Variants in ARPIN observed in about 807,000 individuals in gnomAD.
The protein encoded by ARPIN is UPF0552 protein C15orf38.
In ARPIN, 23 loss-of-function variants were observed where a neutral mutation model predicts 25.9. The ratio of observed to expected loss-of-function variants is 0.89; its 90% CI spans 0.64 to 1.26. The LOEUF (loss-of-function observed/expected upper bound fraction) is 1.26. Ranked by LOEUF, ARPIN falls within the 50% of genes most tolerant of loss-of-function variation. ARPIN has a pLI of 0.00. For synonymous variants in ARPIN, 126 were observed against 131.4 expected, an observed-to-expected ratio of 0.96 and a Z score of 0.28; for missense variants, 333 against 312.2, an observed-to-expected ratio of 1.07 and a Z score of -0.50.
In ARPIN at chr15:89,912,752, G is replaced by A; in HGVS notation, c.84C>T (p.Ala28=). The part of the protein sequence containing the change: ...VRLPGAWDPA[A]HQGGNGVLLE... Reference sequence around the variant, plus strand: ...CGTGAGCCCAGGCCTACCCCTGGTGGGCGGCGGGGTCCCAGGCCCCTGGCA... The same window carrying A: ...CGTGAGCCCAGGCCTACCCCTGGTGAGCGGCGGGGTCCCAGGCCCCTGGCA... The change falls in exon 1 of 6, where the codon GCC becomes GCT. Residue 28 remains alanine, a synonymous_variant. Coordinates refer to ENST00000357484, the MANE Select transcript of ARPIN (RefSeq NM_182616.4). 6.8e-7 allele frequency: 1 copy of A among 1,474,056 alleles called. No individual in the cohort carries two copies. The highest frequency in any genetic ancestry group is 1.3e-5 in the South Asian group (1 of 76,254). The allele number at this position is 1,474,056 out of a possible 1,614,324, so 91.3% of individuals were successfully genotyped here.
intron 2 of ARPIN, among the ~76,000 whole-genome samples, chr15:89,909,091 G>A (rs1403767020): frequency 1.3e-5 from 2 of 152,178 alleles, no homozygotes; most frequent in African/African-American, 4.8e-5. Context: ...GCACTGAAAA[G>A]GAGCCCTGGG....
rs1463060256 is a variant in ARPIN, at chr15:89,897,699, A to G, written c.*4096T>C. 6.6e-6 allele frequency: 1 copy of G among 152,228 alleles called. No individual in the cohort carries two copies. The highest frequency in any genetic ancestry group is 6.5e-5 in the Admixed American group (1 of 15,282). 9.4% of individuals were successfully genotyped at this position (152,228 alleles called of 1,614,324 possible). A position where few individuals can be genotyped will look rare whatever the true frequency, so the allele number is the denominator to read the frequency against. On this transcript the variant is annotated 3_prime_UTR_variant, in exon 6 of 6. Coordinates refer to ENST00000357484, the MANE Select transcript of ARPIN (RefSeq NM_182616.4). ...TTACATGCTAAAAAACCCAAATACT[A>G]AAAATTATGAACATGACTGAGTGAA...
rs917304045 is a variant in ARPIN, at chr15:89,908,195, T to C, written c.301+85A>G. 5 of 1,575,734 alleles carry C rather than the reference T, an allele frequency of 3.2e-6. No homozygotes were observed. The African/African-American group carries it at 5.4e-5, about 17-fold the overall frequency. Reference sequence around the variant, plus strand: ...CATCAAGAGGGCTGAAGAGACACTTTCCAGGGGCTAAGAGGCTCAGAAGAG... The same window carrying C: ...CATCAAGAGGGCTGAAGAGACACTTCCCAGGGGCTAAGAGGCTCAGAAGAG... On this transcript the variant is annotated intron_variant, in intron 3 of 5. Transcript: ENST00000357484.
rs1896965704 is a variant in ARPIN at position 89,898,517 on chromosome 15, G to A, written c.*3278C>T. The A allele has an allele frequency of 6.6e-6, 1 of 152,192 alleles. No homozygotes were observed. Among genetic ancestry groups the A allele is most frequent in the African/African-American group, 2.4e-5 (1 of 41,442 alleles). The allele number at this position is 152,192 out of a possible 1,614,324, so 9.4% of individuals were successfully genotyped here. ...TACAGTAAATGTTAGTATAGTTAAA[G>A]CTCCAAGAAATCCTACAGAAATGTT... On this transcript the variant is annotated 3_prime_UTR_variant, in exon 6 of 6. Coordinates refer to ENST00000357484, the MANE Select transcript of ARPIN (RefSeq NM_182616.4).
At chr15:89,909,820 G>A (rs1290624766) in intron 2 of ARPIN, among the ~76,000 whole-genome samples, 1 of 152,206 alleles carries the variant, frequency 6.6e-6, no homozygotes, top group Non-Finnish European at 1.5e-5. Context: ...AGCAGGGCCT[G>A]GCATTGCTTA....
chr15:89,896,310 G>C lies in ARPIN; in HGVS notation c.*5485C>G, dbSNP rs1270812861. 1 of 152,190 alleles carries C rather than the reference G, an allele frequency of 6.6e-6. No homozygotes were observed. Among genetic ancestry groups the C allele is most frequent in the Non-Finnish European group, 1.5e-5 (1 of 68,034 alleles). 9.4% of individuals were successfully genotyped at this position (152,190 alleles called of 1,614,324 possible). On this transcript the variant is annotated 3_prime_UTR_variant, in exon 6 of 6. Transcript: ENST00000357484. ...GAAACAGAATTATGAAGAAGAACTA[G>C]CTCTGCCAACTATGAAAACCTACTT...
intron 3 of ARPIN, among the ~76,000 whole-genome samples, chr15:89,907,735 T>C (rs1205151776): frequency 6.6e-6 from 1 of 152,104 alleles, no homozygotes; most frequent in African/African-American, 2.4e-5. Context: ...GACTATAGTG[T>C]GCTATGATTG....
At chr15:89,912,555 G>A in intron 1 of ARPIN, 189 bp downstream of exon 1, 3 of 1,348,770 alleles carry the variant, frequency 2.2e-6, no homozygotes, top group Non-Finnish European at 1.9e-6. Flanking sequence ...TCTGTGTCAT[G>A]GGGTCGCTGG....
At chr15:89,912,415 G>T in intron 1 of ARPIN, 1 of 1,142,638 alleles carries the variant, frequency 8.8e-7, no homozygotes, top group Non-Finnish European at 1.1e-6. Context: ...GCAAGTAGCT[G>T]GAGTTTATAG....
chr15:89,910,683 C>T, intron 2 of ARPIN, 61 bp downstream of exon 2: 6 of 1,606,928 alleles, frequency 3.7e-6, no homozygotes, highest in Non-Finnish European at 5.1e-6. Flanking sequence ...AAGGAGATGC[C>T]ACAGTGGATG....
At chr15:89,903,124 A>C in intron 5 of ARPIN, 92 bp downstream of exon 5, 1 of 1,612,502 alleles carries the variant, frequency 6.2e-7, no homozygotes, top group Non-Finnish European at 8.5e-7. Context: ...GGTAAGATTC[A>C]TCCTGTCGTC....
At chr15:89,904,282 C>T (rs999082292) in intron 3 of ARPIN, among the ~76,000 whole-genome samples, 1 of 152,098 alleles carries the variant, frequency 6.6e-6, no homozygotes, top group Non-Finnish European at 1.5e-5. Context: ...ACTGAAATGA[C>T]GTATAAAGGA....
intron 1 of ARPIN, 82 bp downstream of exon 1, chr15:89,912,662 A>AGGGGGGCC: frequency 6.0e-6 from 4 of 661,660 alleles, no homozygotes; most frequent in Admixed American, 6.6e-5. Flanking sequence ...CCCCACCCGC[A>AGGGGGGCC]TCCCACCCCC....
chr15:89,902,369 T>C (rs910072889), intron 5 of ARPIN, among the ~76,000 whole-genome samples: 4 of 151,826 alleles, frequency 2.6e-5, no homozygotes, highest in Admixed American at 2.0e-4. Flanking sequence ...GATGGCGCCA[T>C]TGCACTCCAG....
At chr15:89,903,694 A>G in intron 4 of ARPIN, 83 bp downstream of exon 4, 1 of 1,569,932 alleles carries the variant, frequency 6.4e-7, no homozygotes, top group Admixed American at 1.8e-5. Flanking sequence ...GCCTGCTCCC[A>G]TGAGCTCTAG....
In ARPIN at chr15:89,903,255, C is replaced by G. The variant is rs958021850; in HGVS notation, c.633G>C (p.Glu211Asp). The stretch of plus-strand genomic sequence containing the variant: ...CTGCCCCATCCCCCTGCTCTCGGAT[C>G]TCCGCTGCAGCCCCCTTCGAACACT... ...AQKCSKGAAAEIREQGDGAED... is the reference protein window; with the variant it reads ...AQKCSKGAAADIREQGDGAED... The change falls in exon 5 of 6, where the codon GAG becomes GAC. Residue 211 changes from glutamate (E) to aspartate (D), a missense_variant. Coordinates refer to ENST00000357484, the MANE Select transcript of ARPIN (RefSeq NM_182616.4). 8 of 1,614,134 alleles carry G rather than the reference C, an allele frequency of 5.0e-6. No individual in the cohort carries two copies. Among genetic ancestry groups the G allele is most frequent in the Non-Finnish European group, 5.9e-6 (7 of 1,180,064 alleles).
intron 3 of ARPIN, 89 bp downstream of exon 3, chr15:89,908,191 A>G (rs1897158567): frequency 3.8e-6 from 6 of 1,569,496 alleles, no homozygotes; most frequent in Non-Finnish European, 5.2e-6. Context: ...CTGAAGAGAC[A>G]CTTTCCAGGG....
rs1196632725 is a variant in ARPIN at position 89,903,902 on chromosome 15, A to T, written c.383T>A (p.Leu128Gln). The T allele has an allele frequency of 6.2e-7, 1 of 1,613,752 alleles. No individual in the cohort carries two copies. The highest frequency in any genetic ancestry group is 1.7e-5 in the Admixed American group (1 of 60,028). Residue 128 changes from leucine to glutamine, a missense_variant, in exon 4 of 6, where the codon CTG becomes CAG. Transcript: ENST00000357484. ...GLVNKPELLA[L>Q]TESLTPDHTV... ...GTGGTCGGGGGTGAGGCTCTCTGTCAGCGCGAGCAGCTCTGGCTTGTTGAC... is the reference window on the plus strand; with the variant it reads ...GTGGTCGGGGGTGAGGCTCTCTGTCTGCGCGAGCAGCTCTGGCTTGTTGAC...
intron 3 of ARPIN, among the ~76,000 whole-genome samples, chr15:89,907,353 C>G (rs1897139491): frequency 1.3e-5 from 2 of 152,046 alleles, no homozygotes; most frequent in African/African-American, 2.4e-5. Context: ...TAGGCATGAG[C>G]CACCACACTC....
Sources: gnomAD v4.1 joint callset for allele counts (sites outside exome capture counted in the v4.1 genomes callset) on GRCh38, gnomAD v4.1.1 for gene constraint, MANE v1.5 for transcripts, NCBI Gene and HGNC (gene_info 2026-07-23, HGNC 2026-07-21) for gene names.